The following HACD1 variants were observed in gnomAD, a reference collection of about 807,000 sequenced individuals.
HACD1 encodes the protein very-long-chain (3R)-3-hydroxyacyl-CoA dehydratase 1.
In HACD1, 41 loss-of-function variants were observed where a neutral mutation model predicts 32.0. The observed-to-expected ratio is 1.28, with a 90% CI of 1.00 to 1.66. The LOEUF (loss-of-function observed/expected upper bound fraction) is 1.66. Ranked by LOEUF, HACD1 falls within the 40% of genes most tolerant of loss-of-function variation. The pLI is 0.00. For synonymous variants in HACD1, 142 were observed against 139.0 expected (o/e 1.02, Z -0.15); for missense variants, 396 against 380.1 (o/e 1.04, Z -0.35).
intron 1 of HACD1, among the ~76,000 whole-genome samples, chr10:17,616,573 C>CCA (rs1236858956): frequency 6.6e-6 from 1 of 151,714 alleles, no homozygotes; most frequent in African/African-American, 2.4e-5. Flanking sequence ...GGCAGGAGCT[C>CCA]CACGCTGGGA....
chr10:17,596,041 G>A (rs1008355801), intron 5 of HACD1, among the ~76,000 whole-genome samples: 3 of 151,938 alleles, frequency 2.0e-5, no homozygotes, highest in African/African-American at 7.2e-5. Context: ...AAAACAAAAG[G>A]TCAACATTTT....
intron 1 of HACD1, 62 bp downstream of exon 1, chr10:17,617,021 A>T: frequency 1.5e-6 from 2 of 1,336,688 alleles, no homozygotes; most frequent in Non-Finnish European, 1.9e-6. Flanking sequence ...CGCCCCCTGA[A>T]CCCGGAACCT....
intron 1 of HACD1, among the ~76,000 whole-genome samples, chr10:17,611,125 C>T (rs535107945): frequency 3.3e-5 from 5 of 151,838 alleles, no homozygotes; most frequent in African/African-American, 1.2e-4. Flanking sequence ...CTCAGTCTCC[C>T]GAGTAGCTGG....
rs186513444 is a variant in HACD1, at chr10:17,601,540, G to A, written c.483+2020C>T. 9.2e-5 allele frequency among the ~76,000 whole-genome samples: 14 copies of A among 152,254 alleles called. No individual in the cohort carries two copies. In the East Asian group the frequency reaches 2.1e-3, roughly 23 times the overall value. Reference sequence around the variant, plus strand: ...GTCCTGTTTTATTTTTGGAACTCGCGACTCTCAAGCTTCCCTTTACCTCCA... The same window carrying A: ...GTCCTGTTTTATTTTTGGAACTCGCAACTCTCAAGCTTCCCTTTACCTCCA... On this transcript the variant is annotated intron_variant, in intron 4 of 6. Transcript: ENST00000361271.
chr10:17,604,160 T>A (rs1448938750), intron 1 of HACD1, 113 bp from the exon 2 acceptor site: 5 of 730,930 alleles, frequency 6.8e-6, no homozygotes, highest in Non-Finnish European at 1.1e-5. Context: ...GCAACCCAGG[T>A]GTCCATAAGT....
chr10:17,604,195 G>A (rs565319127), intron 1 of HACD1, 148 bp from the exon 2 acceptor site: 1 of 612,156 alleles, frequency 1.6e-6, no homozygotes, highest in African/African-American at 1.9e-5. Flanking sequence ...TTGAAATGTG[G>A]TCTATACAGG....
intron 1 of HACD1, among the ~76,000 whole-genome samples, chr10:17,605,994 T>G (rs1210353938): frequency 6.7e-6 from 1 of 149,880 alleles, no homozygotes; most frequent in African/African-American, 2.5e-5. Flanking sequence ...CTGGGCAACA[T>G]GGCAAGATCC....
intron 4 of HACD1, 82 bp from the exon 5 acceptor site, chr10:17,599,493 C>T (rs1554816318): frequency 1.3e-6 from 2 of 1,481,742 alleles, no homozygotes; most frequent in African/African-American, 1.4e-5. Flanking sequence ...TTATTTATTG[C>T]CTTTTATTTA....
In HACD1 at chr10:17,608,663, T is replaced by C. The variant is rs146698303; in HGVS notation, c.258-4616A>G. Among the ~76,000 whole-genome samples the C allele has an allele frequency of 4.3e-3, 659 of 151,940 alleles. 2 individuals are homozygous for C. The highest frequency in any genetic ancestry group is 0.015 in the African/African-American group (601 of 41,426). On this transcript the variant is annotated intron_variant, in intron 1 of 6. Transcript: ENST00000361271. ...CACCATACCCAGCTAATTTTTGTAT[T>C]TTTAGTAGAGATGGGGTTTCAACAT...
intron 6 of HACD1, among the ~76,000 whole-genome samples, chr10:17,592,804 G>C (rs1236996577): frequency 1.3e-5 from 2 of 152,218 alleles, no homozygotes; most frequent in African/African-American, 4.8e-5. Context: ...TCCCGAACTG[G>C]CTGGGGTAGA....
intron 1 of HACD1, among the ~76,000 whole-genome samples, chr10:17,611,762 C>G (rs535200344): frequency 6.6e-6 from 1 of 151,968 alleles, no homozygotes; most frequent in Non-Finnish European, 1.5e-5. Flanking sequence ...GTTAGGAGAT[C>G]GAGACCATCC....
chr10:17,609,715 C>T (rs535055147), intron 1 of HACD1, among the ~76,000 whole-genome samples: 8 of 152,050 alleles, frequency 5.3e-5, no homozygotes, highest in East Asian at 3.9e-4. Context: ...ACCAGTTTGG[C>T]GGTTTCATAA....
At chr10:17,601,297 G>C (rs1448721208) in intron 4 of HACD1, among the ~76,000 whole-genome samples, 1 of 152,164 alleles carries the variant, frequency 6.6e-6, no homozygotes, top group African/African-American at 2.4e-5. Context: ...GCCTCCCAAA[G>C]TGCTGGGATT....
At chr10:17,594,672 T>C (rs1475146945) in intron 5 of HACD1, among the ~76,000 whole-genome samples, 1 of 152,014 alleles carries the variant, frequency 6.6e-6, no homozygotes, top group Non-Finnish European at 1.5e-5. Flanking sequence ...GTATATGTAG[T>C]TTTTCTTGTT....
In HACD1 at chr10:17,617,245, G is replaced by C; in HGVS notation, c.95C>G (p.Thr32Arg). Residue 32 changes from threonine (T) to arginine (R), a missense_variant, in exon 1 of 7, where the codon ACG (threonine) becomes AGG (arginine). Coordinates refer to ENST00000361271, the MANE Select transcript of HACD1 (RefSeq NM_014241.4). ...SPPTLLPLSPTSPRCAATMAS... is the reference protein window; with the variant it reads ...SPPTLLPLSPRSPRCAATMAS... ...CATGGTGGCCGCGCACCTGGGGGAC[G>C]TGGGAGACAGCGGCAGGAGCGTGGG... is the stretch of plus-strand genomic sequence containing the variant. 1 of 1,481,550 alleles carries C rather than the reference G, an allele frequency of 6.7e-7. No individual in the cohort carries two copies. Among genetic ancestry groups the C allele is most frequent in the South Asian group, 1.3e-5 (1 of 79,118 alleles). 91.8% of individuals were successfully genotyped at this position (1,481,550 alleles called of 1,614,324 possible).
At chr10:17,610,803 C>A (rs1834222638) in intron 1 of HACD1, among the ~76,000 whole-genome samples, 1 of 152,070 alleles carries the variant, frequency 6.6e-6, no homozygotes, top group Non-Finnish European at 1.5e-5. Context: ...GATGAGAAAA[C>A]TAAGAGTCAG....
intron 1 of HACD1, among the ~76,000 whole-genome samples, chr10:17,614,766 T>G (rs989492197): frequency 1.4e-5 from 2 of 148,104 alleles, no homozygotes; most frequent in African/African-American, 2.5e-5. Flanking sequence ...TTTATTTTAT[T>G]TTTTGAGACG....
At chr10:17,614,096 G>C (rs1274989113) in intron 1 of HACD1, among the ~76,000 whole-genome samples, 1 of 152,174 alleles carries the variant, frequency 6.6e-6, no homozygotes, top group Non-Finnish European at 1.5e-5. Flanking sequence ...AAGACAGAGA[G>C]TCAACTGAAA....
At chr10:17,616,477 GTAACCT>G (rs1260683056) in intron 1 of HACD1, among the ~76,000 whole-genome samples, 1 of 152,010 alleles carries the variant, frequency 6.6e-6, no homozygotes, top group Non-Finnish European at 1.5e-5. Flanking sequence ...CAGTCATTGT[GTAACCT>G]TAACTTGCAA....
Sources: allele counts gnomAD v4.1 joint callset (sites outside exome capture counted in the v4.1 genomes callset), GRCh38; gene constraint gnomAD v4.1.1; transcripts MANE v1.5; gene names NCBI Gene and HGNC (gene_info 2026-07-23, HGNC 2026-07-21).